The following MSR1 variants were observed in gnomAD, a reference collection of about 807,000 sequenced individuals.
MSR1 encodes the protein macrophage scavenger receptor 1, also known as macrophage scavenger receptor types I and II.
MSR1 carries 53 observed loss-of-function variants against 47.2 expected under a neutral mutation model. That is an observed-to-expected ratio of 1.12 (90% CI 0.90 to 1.41). MSR1 has a LOEUF of 1.41. Among genes scored for constraint, MSR1 ranks in the 40% most tolerant of loss-of-function variants. MSR1 has a pLI of 0.00. For missense variants in MSR1, 786 were observed against 546.9 expected, an observed-to-expected ratio of 1.44 and a Z score of -4.36; for synonymous variants, 239 against 185.6, an observed-to-expected ratio of 1.29 and a Z score of -2.34.
At chr8:16,120,755 T>A in intron 8 of MSR1, 149 bp from the exon 9 acceptor site, 1 of 998,306 alleles carries the variant, frequency 1.0e-6, no homozygotes, top group Non-Finnish European at 1.4e-6. Context: ...AATATTAAAC[T>A]TTCTAGCACC....
At chr8:16,163,935 G>T in intron 5 of MSR1, 130 bp downstream of exon 5, 7 of 677,460 alleles carry the variant, frequency 1.0e-5, no homozygotes, top group South Asian at 5.3e-5. Flanking sequence ...TTTCCTTTGG[G>T]TATTTGCAGT....
chr8:16,148,662 T>G (rs144642371), intron 7 of MSR1, among the ~76,000 whole-genome samples: 2,834 of 152,072 alleles, frequency 0.019, 54 homozygotes, highest in Non-Finnish European at 0.026. Flanking sequence ...AGGCTGGTCT[T>G]GAACTGATGA....
chr8:16,172,345 A>T (rs1801509678), intron 3 of MSR1, among the ~76,000 whole-genome samples: 1 of 152,216 alleles, frequency 6.6e-6, no homozygotes, highest in Non-Finnish European at 1.5e-5. Context: ...TTGTTAATAG[A>T]TCTAAAAACA....
intron 3 of MSR1, among the ~76,000 whole-genome samples, chr8:16,169,958 G>A (rs544057090): frequency 6.6e-6 from 1 of 152,026 alleles, no homozygotes; most frequent in East Asian, 1.9e-4. Context: ...CCCCAAATGG[G>A]CATATGTTCT....
chr8:16,179,847 A>T (rs1390230217), intron 1 of MSR1, among the ~76,000 whole-genome samples: 2 of 139,354 alleles, frequency 1.4e-5, no homozygotes, highest in African/African-American at 5.3e-5. Context: ...GCTGAACTCT[A>T]GCCCGGGCAA....
At chr8:16,167,427 C>T (rs1308521742) in intron 4 of MSR1, among the ~76,000 whole-genome samples, 2 of 152,088 alleles carry the variant, frequency 1.3e-5, no homozygotes, top group African/African-American at 4.8e-5. Flanking sequence ...TACCTTTGAT[C>T]CCAGCTACAT....
Position 16,189,413 on chromosome 8 carries a change from AT to A in MSR1, c.-5+3184del, listed in dbSNP as rs1400011037. On this transcript the variant is annotated intron_variant, in intron 1 of 9. Coordinates refer to ENST00000262101, the MANE Select transcript of MSR1 (RefSeq NM_138715.3). Reference sequence around the variant, plus strand: ...CTTATTTTATATATATTTTATATATATTTTATATATATAAAATCATATTTTA... The same window carrying A: ...CTTATTTTATATATATTTTATATATATTTATATATATAAAATCATATTTTA... 4.1e-5 allele frequency among the ~76,000 whole-genome samples: 4 copies of A among 97,966 alleles called. No homozygotes were observed. The East Asian group carries it at 7.9e-4, about 19-fold the overall frequency. 64.3% of individuals were successfully genotyped at this position (97,966 alleles called of 152,430 possible).
At chr8:16,170,989 G>C (rs190888648) in intron 3 of MSR1, among the ~76,000 whole-genome samples, 53 of 152,140 alleles carry the variant, frequency 3.5e-4, no homozygotes, top group African/African-American at 1.1e-3. Flanking sequence ...TACTTAAAGA[G>C]GCTGTGTGTG....
chr8:16,110,112 T>C lies in MSR1; in HGVS notation c.1329A>G (p.Glu443=). The change falls in exon 10 of 10, where the codon GAA becomes GAG. Residue 443 remains glutamate, a synonymous_variant. Coordinates refer to ENST00000262101, the MANE Select transcript of MSR1 (RefSeq NM_138715.3). ...ATAAAGTGCAAGTGACTCCAGCATC[T>C]TCAGAATGTGAACAGGCTCTTGTCC... ...QWGTRACSHS[E]DAGVTCTL 6.2e-7 allele frequency: 1 copy of C among 1,613,682 alleles called. No individual in the cohort carries two copies. Among genetic ancestry groups the C allele is most frequent in the Non-Finnish European group, 8.5e-7 (1 of 1,179,726 alleles).
At chr8:16,128,654 C>T (rs74589739) in intron 8 of MSR1, among the ~76,000 whole-genome samples, 2,711 of 152,160 alleles carry the variant, frequency 0.018, 90 homozygotes, top group African/African-American at 0.061. Flanking sequence ...TACTTGCAAA[C>T]GAGAAATAGC....
At chr8:16,143,425 T>C (rs1367630429) in intron 8 of MSR1, 133 bp downstream of exon 8, 20 of 655,048 alleles carry the variant, frequency 3.1e-5, no homozygotes, top group Non-Finnish European at 4.5e-5. Flanking sequence ...TGTAGAAAAT[T>C]ATGTTTGGCT....
chr8:16,116,358 T>A (rs992808187), intron 9 of MSR1, among the ~76,000 whole-genome samples: 3 of 152,180 alleles, frequency 2.0e-5, no homozygotes, highest in African/African-American at 7.2e-5. Flanking sequence ...TCTTTCCAGT[T>A]TGCTTCACTA....
chr8:16,132,553 T>C (rs961794665), intron 8 of MSR1, among the ~76,000 whole-genome samples: 1 of 152,096 alleles, frequency 6.6e-6, no homozygotes, highest in African/African-American at 2.4e-5. Flanking sequence ...AGTGGCATGA[T>C]CTTGGCTCAC....
intron 8 of MSR1, among the ~76,000 whole-genome samples, chr8:16,141,273 T>C (rs1000052988): frequency 2.0e-5 from 3 of 152,134 alleles, no homozygotes; most frequent in South Asian, 2.1e-4. Flanking sequence ...CTTTGAACCA[T>C]TGATTCTACT....
At chr8:16,136,604 G>T (rs1800396650) in intron 8 of MSR1, among the ~76,000 whole-genome samples, 1 of 151,982 alleles carries the variant, frequency 6.6e-6, no homozygotes, top group African/African-American at 2.4e-5. Context: ...TGTGTTAATG[G>T]AATGCTGCAT....
intron 3 of MSR1, among the ~76,000 whole-genome samples, chr8:16,173,726 G>GC (rs1193409869): frequency 1.3e-5 from 2 of 151,950 alleles, no homozygotes; most frequent in Middle Eastern, 3.2e-3. Context: ...TCGGCTCACT[G>GC]CAAGTTCCAC....
chr8:16,154,356 T>C (rs569764157), intron 6 of MSR1, among the ~76,000 whole-genome samples: 12 of 152,134 alleles, frequency 7.9e-5, no homozygotes, highest in South Asian at 4.1e-4. Flanking sequence ...CATGTTATTA[T>C]CTTTTTTATT....
intron 8 of MSR1, among the ~76,000 whole-genome samples, chr8:16,122,721 T>G (rs77182621): frequency 0.032 from 4,885 of 152,060 alleles, 166 homozygotes; most frequent in East Asian, 0.12. Flanking sequence ...CAGAAACAGA[T>G]AGTGCTGCTG....
In MSR1 at chr8:16,168,825, G is replaced by T. The variant is rs2117183477; in HGVS notation, c.263C>A (p.Thr88Asn). 6.2e-7 allele frequency: 1 copy of T among 1,613,728 alleles called. No individual in the cohort carries two copies. The part of the protein sequence containing the change: ...WETKNCSVSS[T>N]NANDITQSLT... ...ACTTTGAGTTATATCATTTGCATTA[G>T]TTGAACTAACTGAGCAATTCTTCGT... is the stretch of plus-strand genomic sequence containing the variant. The change falls in exon 4 of 10, where the codon ACT (threonine) becomes AAT (asparagine). Residue 88 changes from threonine (T) to asparagine (N), a missense_variant. Coordinates refer to ENST00000262101, the MANE Select transcript of MSR1 (RefSeq NM_138715.3).
Sources: allele counts gnomAD v4.1 joint callset (sites outside exome capture counted in the v4.1 genomes callset), GRCh38; gene constraint gnomAD v4.1.1; transcripts MANE v1.5; gene names NCBI Gene and HGNC (gene_info 2026-07-23, HGNC 2026-07-21).